Variants in EFHC2 observed in about 807,000 individuals in gnomAD.
EFHC2 encodes the protein EF-hand domain containing 2.
Under a neutral mutation model 52.7 loss-of-function variants are expected in EFHC2, and 18 were observed. That is an observed-to-expected ratio of 0.34 (90% CI 0.24 to 0.51). The LOEUF (loss-of-function observed/expected upper bound fraction) is 0.51. EFHC2 is among the 20% of genes least tolerant of loss of function. The pLI is 0.97. For missense variants in EFHC2, 513 were observed against 562.5 expected (o/e 0.91, Z 0.89); for synonymous variants, 203 against 204.1 (o/e 0.99, Z 0.04).
intron 4 of EFHC2, among the ~76,000 whole-genome samples, chrX:44,251,205 C>G (rs1168791623): frequency 3.3e-5 from 3 of 90,515 alleles, no homozygotes; most frequent in Non-Finnish European, 6.3e-5. Flanking sequence ...CGCCACTGCA[C>G]TCCAGCCCGG....
At chrX:44,305,049 G>T (rs989276014) in intron 2 of EFHC2, among the ~76,000 whole-genome samples, 3 of 110,019 alleles carry the variant, frequency 2.7e-5, no homozygotes, top group African/African-American at 9.9e-5. Flanking sequence ...ATTACCTGAG[G>T]TCAGGAGTTC....
chrX:44,238,175 T>G (rs1044486404), intron 8 of EFHC2, among the ~76,000 whole-genome samples: 3 of 111,518 alleles, frequency 2.7e-5, no homozygotes, highest in Non-Finnish European at 5.6e-5. Context: ...ACCCTTCCAG[T>G]TGCTCAAGCC....
At chrX:44,155,451 G>A (rs2036600024) in intron 14 of EFHC2, among the ~76,000 whole-genome samples, 1 of 112,312 alleles carries the variant, frequency 8.9e-6, no homozygotes, top group Non-Finnish European at 1.9e-5. Context: ...ATTTTTAAAA[G>A]GAAATTTAAT....
chrX:44,228,723 T>C (rs2147319217), intron 11 of EFHC2, among the ~76,000 whole-genome samples: 1 of 111,404 alleles, frequency 9.0e-6, no homozygotes, highest in Non-Finnish European at 1.9e-5. Flanking sequence ...GGCCACCAGG[T>C]AGTGATGCAA....
chrX:44,160,596 G>A (rs1010429978), intron 14 of EFHC2, among the ~76,000 whole-genome samples: 5 of 111,852 alleles, frequency 4.5e-5, no homozygotes, highest in African/African-American at 1.6e-4. Flanking sequence ...GGCAAAATAT[G>A]TAAAAACAAC....
At chrX:44,150,186 C>A (rs913080567) in intron 14 of EFHC2, among the ~76,000 whole-genome samples, 1 of 111,493 alleles carries the variant, frequency 9.0e-6, no homozygotes, top group Non-Finnish European at 1.9e-5. Context: ...TCCAGAATCA[C>A]AAGGTGTCAC....
chrX:44,275,921 A>AAAAAAAG (rs1410690008), intron 2 of EFHC2, among the ~76,000 whole-genome samples: 2 of 109,091 alleles, frequency 1.8e-5, no homozygotes, highest in African/African-American at 6.7e-5. Context: ...CTCAAAAAAA[A>AAAAAAAG]AAAAAAGAAA....
At chrX:44,198,586 G>A (rs1001969562) in intron 11 of EFHC2, among the ~76,000 whole-genome samples, 9 of 111,561 alleles carry the variant, frequency 8.1e-5, no homozygotes, top group Non-Finnish European at 1.9e-5. Context: ...ACTCCTGGCT[G>A]AGCTTGTGAA....
chrX:44,334,977 C>G (rs1352395159), intron 1 of EFHC2, among the ~76,000 whole-genome samples: 1 of 71,892 alleles, frequency 1.4e-5, no homozygotes, highest in African/African-American at 7.5e-5. Context: ...TAACTGTACA[C>G]CAAAAGGGGA....
chrX:44,319,296 C>A (rs1317845402), intron 1 of EFHC2, among the ~76,000 whole-genome samples: 3 of 111,059 alleles, frequency 2.7e-5, no homozygotes, highest in African/African-American at 9.9e-5. Flanking sequence ...AGCCACTGCG[C>A]CGGGCACAAA....
intron 3 of EFHC2, among the ~76,000 whole-genome samples, chrX:44,267,779 C>CCTA (rs1194432057): frequency 8.9e-6 from 1 of 111,792 alleles, no homozygotes; most frequent in Admixed American, 9.5e-5. Flanking sequence ...AGAAACACTA[C>CCTA]CTACCCTGTC....
At chrX:44,208,949 A>ATGTCAGAT in intron 11 of EFHC2, among the ~76,000 whole-genome samples, 1 of 110,245 alleles carries the variant, frequency 9.1e-6, no homozygotes, top group Middle Eastern at 4.7e-3. Flanking sequence ...TCCATGACAT[A>ATGTCAGAT]TGTCAGATGT....
chrX:44,321,742 G>A (rs1157402946), intron 1 of EFHC2, among the ~76,000 whole-genome samples: 3 of 111,705 alleles, frequency 2.7e-5, no homozygotes, highest in African/African-American at 9.8e-5. Context: ...GCAACATGGA[G>A]GTGGCTGGTG....
intron 14 of EFHC2, among the ~76,000 whole-genome samples, chrX:44,152,575 GGC>G (rs2036578176): frequency 9.0e-6 from 1 of 111,354 alleles, no homozygotes; most frequent in Non-Finnish European, 1.9e-5. Context: ...ACCACCAACT[GGC>G]AGTATGAAGA....
Position 44,178,449 on chromosome X carries a change from G to A in EFHC2, c.1867C>T (p.Leu623=). The A allele has an allele frequency of 1.7e-6, 2 of 1,206,537 alleles. No homozygotes were observed. The highest frequency in any genetic ancestry group is 3.6e-5 in the South Asian group (2 of 55,632). ...TCSDMDFLIA[L]AHEKFKKNMF... is the part of the protein sequence containing the mutation. The stretch of plus-strand genomic sequence containing the variant: ...TTTTTCTTGAACTTTTCGTGGGCCA[G>A]TGCGATTAAGAAATCCATATCTGAA... The change falls in exon 12 of 15, where the codon CTG becomes TTG. Residue 623 remains leucine, a synonymous_variant. Coordinates refer to ENST00000420999, the MANE Select transcript of EFHC2 (RefSeq NM_025184.4).
intron 2 of EFHC2, among the ~76,000 whole-genome samples, chrX:44,290,943 A>C (rs1169352638): frequency 9.0e-6 from 1 of 110,875 alleles, no homozygotes; most frequent in African/African-American, 3.3e-5. Context: ...GGTTGTCCTA[A>C]CCCCCAACTC....
chrX:44,236,846 G>A (rs1271728983), intron 8 of EFHC2, among the ~76,000 whole-genome samples: 1 of 111,591 alleles, frequency 9.0e-6, no homozygotes, highest in African/African-American at 3.3e-5. Flanking sequence ...AATAGATTTG[G>A]TAGCCCCTCT....
intron 1 of EFHC2, among the ~76,000 whole-genome samples, chrX:44,318,014 C>T (rs1418919962): frequency 3.6e-5 from 4 of 112,209 alleles, no homozygotes; most frequent in Non-Finnish European, 1.9e-5. Context: ...CCAGCAGTTG[C>T]ACTTCTCAGT....
At chrX:44,241,846 C>T (rs188833821) in intron 8 of EFHC2, among the ~76,000 whole-genome samples, 2 of 111,784 alleles carry the variant, frequency 1.8e-5, no homozygotes, top group African/African-American at 6.5e-5. Context: ...TTCCTATTTT[C>T]GGGAGACAGA....
Sources: gnomAD v4.1 joint callset for allele counts (sites outside exome capture counted in the v4.1 genomes callset) on GRCh38, gnomAD v4.1.1 for gene constraint, MANE v1.5 for transcripts, NCBI Gene and HGNC (gene_info 2026-07-23, HGNC 2026-07-21) for gene names.